The following SLC44A1 variants were observed in gnomAD, a reference collection of about 807,000 sequenced individuals.
The protein encoded by SLC44A1 is choline transporter-like protein 1.
A neutral mutation model predicts 79.3 loss-of-function variants in SLC44A1; 26 were observed. The observed-to-expected ratio is 0.33, with a 90% CI of 0.24 to 0.46. SLC44A1 has a LOEUF of 0.46. Ranked by LOEUF, SLC44A1 falls within the 20% of genes least tolerant of loss-of-function variation. The pLI is 1.00. For synonymous variants in SLC44A1, 263 were observed against 286.2 expected (o/e 0.92, Z 0.82); for missense variants, 688 against 798.1 (o/e 0.86, Z 1.66).
chr9:105,415,244 G>C (rs1373948151), intron 15 of SLC44A1, among the ~76,000 whole-genome samples: 1 of 152,190 alleles, frequency 6.6e-6, no homozygotes, highest in Non-Finnish European at 1.5e-5. Context: ...CCACAGTTTT[G>C]AGAAATCAGT....
In SLC44A1 at chr9:105,310,027, T is replaced by G. The variant is rs570454933; in HGVS notation, c.269+161T>G. ...TTTTTTTCACTGAACCCTTGAATGA[T>G]TCTTCTTATTGGTCTACAAATAACA... is the stretch of plus-strand genomic sequence containing the variant. On this transcript the variant is annotated intron_variant, in intron 3 of 15. Coordinates refer to ENST00000374720, the MANE Select transcript of SLC44A1 (RefSeq NM_080546.5). Among the ~76,000 whole-genome samples the G allele has an allele frequency of 2.6e-5, 4 of 152,332 alleles. No homozygotes were observed. In the East Asian group the frequency reaches 7.7e-4, roughly 29 times the overall value.
intron 1 of SLC44A1, among the ~76,000 whole-genome samples, chr9:105,277,580 A>G (rs1440337909): frequency 6.6e-6 from 1 of 152,196 alleles, no homozygotes; most frequent in East Asian, 1.9e-4. Context: ...AAACAAGCAA[A>G]CAAAAACAGA....
At chr9:105,272,806 G>C (rs925603230) in intron 1 of SLC44A1, among the ~76,000 whole-genome samples, 2 of 152,090 alleles carry the variant, frequency 1.3e-5, no homozygotes, top group Admixed American at 6.6e-5. Context: ...GCTGAAAGTA[G>C]GTCTCCTCAT....
chr9:105,426,229 T>C (rs1011676333), intron 15 of SLC44A1, among the ~76,000 whole-genome samples: 2 of 152,184 alleles, frequency 1.3e-5, no homozygotes, highest in Non-Finnish European at 2.9e-5. Context: ...TTCCACTAGG[T>C]GGCAATGGCA....
At chr9:105,317,721 C>T (rs10114041) in intron 3 of SLC44A1, among the ~76,000 whole-genome samples, 16,469 of 152,148 alleles carry the variant, frequency 0.11, 2,459 homozygotes, top group African/African-American at 0.34. Context: ...GGAAGGTGCT[C>T]CTGACTCTAT....
intron 4 of SLC44A1, 26 bp downstream of exon 4, chr9:105,335,725 A>G (rs759709484): frequency 1.9e-6 from 3 of 1,602,640 alleles, no homozygotes; most frequent in East Asian, 4.5e-5. Flanking sequence ...ATCCAAATCT[A>G]TGTCCTGTCA....
intron 15 of SLC44A1, among the ~76,000 whole-genome samples, chr9:105,402,412 A>G (rs1453879734): frequency 1.3e-5 from 2 of 152,232 alleles, no homozygotes; most frequent in Non-Finnish European, 1.5e-5. Flanking sequence ...GACGTGTGCC[A>G]TCTCTTCATT....
rs1299120984 is a variant in SLC44A1 at position 105,332,685 on chromosome 9, C to T, written c.270-2878C>T. On this transcript the variant is annotated intron_variant, in intron 3 of 15. Transcript: ENST00000374720. The stretch of plus-strand genomic sequence containing the variant: ...CTACTTGGTTCTCAAGGGTAATGAC[C>T]TTACCCTTAGTCATGAATACTCCTA... Among the ~76,000 whole-genome samples, 6 of 152,206 alleles carry T rather than the reference C, an allele frequency of 3.9e-5. No homozygotes were observed. The South Asian group carries it at 1.2e-3, about 32-fold the overall frequency.
chr9:105,288,078 G>C (rs1278479032), intron 1 of SLC44A1, among the ~76,000 whole-genome samples: 1 of 152,080 alleles, frequency 6.6e-6, no homozygotes, highest in African/African-American at 2.4e-5. Context: ...CTTAAAAATT[G>C]CATCATCCCT....
At chr9:105,331,255 G>T (rs1391199563) in intron 3 of SLC44A1, among the ~76,000 whole-genome samples, 1 of 152,170 alleles carries the variant, frequency 6.6e-6, no homozygotes, top group East Asian at 1.9e-4. Context: ...GAAGGGGGAG[G>T]TATGGAGGCC....
In SLC44A1 at chr9:105,389,993, T is replaced by TA. The variant is rs1828721292; in HGVS notation, c.*939dup. 4 of 1,442,694 alleles carry TA rather than the reference T, an allele frequency of 2.8e-6. No homozygotes were observed. The highest frequency in any genetic ancestry group is 1.5e-5 in the South Asian group (1 of 64,614). 89.4% of individuals were successfully genotyped at this position (1,442,694 alleles called of 1,614,324 possible). A position where few individuals can be genotyped will look rare whatever the true frequency, so the allele number is the denominator to read the frequency against. ...CGGTGCTTGGGCTTCGGCTTCAGAG[T>TA]AACGTCAGTGGCTTAGGGTTAAACG... On this transcript the variant is annotated 3_prime_UTR_variant, in exon 16 of 16. Coordinates refer to ENST00000374720, the MANE Select transcript of SLC44A1 (RefSeq NM_080546.5).
Position 105,364,662 on chromosome 9 carries a change from A to G in SLC44A1, c.1195A>G (p.Ile399Val). 3 of 1,614,126 alleles carry G rather than the reference A, an allele frequency of 1.9e-6. No homozygotes were observed. Among genetic ancestry groups the G allele is most frequent in the African/African-American group, 1.3e-5 (1 of 75,040 alleles). Residue 399 changes from isoleucine to valine, a missense_variant, in exon 10 of 16, where the codon ATT becomes GTT. Coordinates refer to ENST00000374720, the MANE Select transcript of SLC44A1 (RefSeq NM_080546.5). ...GGGCCTGATTTGGATCAGTGAATTT[A>G]TTCTAGCATGTCAGCAGATGACAGT... ...VVGLIWISEF[I>V]LACQQMTVAG...
At chr9:105,368,199 CT>C (rs11286712) in intron 12 of SLC44A1, among the ~76,000 whole-genome samples, 18,876 of 143,454 alleles carry the variant, frequency 0.13, 2,214 homozygotes, top group African/African-American at 0.32. Flanking sequence ...AGATGTTGGT[CT>C]TTTTTTTTTT....
intron 3 of SLC44A1, among the ~76,000 whole-genome samples, chr9:105,326,522 T>C (rs67844420): frequency 0.034 from 5,221 of 152,278 alleles, 132 homozygotes; most frequent in African/African-American, 0.072. Flanking sequence ...AGGGGAGTCT[T>C]CCCCCGTGCT....
chr9:105,384,791 G>A (rs958624007), intron 14 of SLC44A1, among the ~76,000 whole-genome samples: 15 of 152,062 alleles, frequency 9.9e-5, no homozygotes, highest in African/African-American at 3.1e-4. Flanking sequence ...GAAGTTCCCC[G>A]TAAACGTTGA....
intron 15 of SLC44A1, among the ~76,000 whole-genome samples, chr9:105,414,451 C>A (rs1829141426): frequency 6.6e-6 from 1 of 152,140 alleles, no homozygotes; most frequent in South Asian, 2.1e-4. Context: ...CCTGGGTAAA[C>A]ATGTTATAGC....
chr9:105,409,542 G>A (rs759628394), intron 15 of SLC44A1, among the ~76,000 whole-genome samples: 63 of 152,226 alleles, frequency 4.1e-4, no homozygotes, highest in African/African-American at 9.1e-4. Flanking sequence ...AAAATTAGTC[G>A]GGTGTAGTGG....
chr9:105,289,428 C>T (rs1016081856), intron 1 of SLC44A1, among the ~76,000 whole-genome samples: 1 of 152,170 alleles, frequency 6.6e-6, no homozygotes, highest in Non-Finnish European at 1.5e-5. Flanking sequence ...AAAAAATAGA[C>T]ACATTACACT....
At chr9:105,322,059 G>A (rs1826409977) in intron 3 of SLC44A1, among the ~76,000 whole-genome samples, 1 of 152,100 alleles carries the variant, frequency 6.6e-6, no homozygotes. Flanking sequence ...ATTAGAAGTA[G>A]GTGCATATAT....
Sources: gnomAD v4.1 joint callset for allele counts (sites outside exome capture counted in the v4.1 genomes callset) on GRCh38, gnomAD v4.1.1 for gene constraint, MANE v1.5 for transcripts, NCBI Gene and HGNC (gene_info 2026-07-23, HGNC 2026-07-21) for gene names.